Variants in WWP2 observed in about 807,000 individuals in gnomAD.
The protein encoded by WWP2 is NEDD4-like E3 ubiquitin-protein ligase WWP2.
A neutral mutation model predicts 121.0 loss-of-function variants in WWP2; 57 were observed. The observed-to-expected ratio is 0.47, with a 90% CI of 0.38 to 0.59. The LOEUF (loss-of-function observed/expected upper bound fraction) is 0.59. WWP2 is among the 20% of genes least tolerant of loss of function. The pLI is 0.00. For missense variants in WWP2, 962 were observed against 1,158.9 expected, an observed-to-expected ratio of 0.83 and a Z score of 2.47; for synonymous variants, 449 against 441.3, an observed-to-expected ratio of 1.02 and a Z score of -0.22.
chr16:69,930,961 A>C (rs901264819), intron 13 of WWP2, among the ~76,000 whole-genome samples, 191 bp from the exon 14 acceptor site: 1 of 152,168 alleles, frequency 6.6e-6, no homozygotes, highest in Non-Finnish European at 1.5e-5. Context: ...ATTTCTCTAA[A>C]AGCAAGAAGT....
At chr16:69,783,780 T>TACAACAACAAAA (rs2055716947) in intron 1 of WWP2, among the ~76,000 whole-genome samples, 1 of 149,710 alleles carries the variant, frequency 6.7e-6, no homozygotes, top group Non-Finnish European at 1.5e-5. Context: ...ACCTTGTTTC[T>TACAACAACAAAA]ACAACAACAA....
chr16:69,843,650 T>C (rs763805967), intron 6 of WWP2, among the ~76,000 whole-genome samples: 2 of 152,042 alleles, frequency 1.3e-5, no homozygotes, highest in Non-Finnish European at 2.9e-5. Context: ...GGAGGATCGC[T>C]TGAGGCCAGG....
intron 4 of WWP2, among the ~76,000 whole-genome samples, chr16:69,802,067 C>T (rs1490533908): frequency 2.0e-5 from 3 of 151,746 alleles, no homozygotes; most frequent in African/African-American, 7.3e-5. Context: ...GTAGCTGGGA[C>T]TACAGGCACC....
chr16:69,788,180 G>C (rs572553401), intron 2 of WWP2: 1 of 152,178 alleles, frequency 6.6e-6, no homozygotes, highest in African/African-American at 2.4e-5. Flanking sequence ...CTGAGCAACA[G>C]AGCAAGACCC....
At chr16:69,813,161 A>ATTT (rs201294551) in intron 4 of WWP2, among the ~76,000 whole-genome samples, 1 of 135,978 alleles carries the variant, frequency 7.4e-6, no homozygotes, top group Non-Finnish European at 1.6e-5. Flanking sequence ...TTCTGGTGTA[A>ATTT]TTTTTTTTTT....
At chr16:69,821,956 A>G (rs970270938) in intron 4 of WWP2, among the ~76,000 whole-genome samples, 1 of 151,464 alleles carries the variant, frequency 6.6e-6, no homozygotes, top group African/African-American at 2.4e-5. Flanking sequence ...GTAGCCTCAA[A>G]CTTCTGGCTT....
At chr16:69,805,728 A>C (rs1184239726) in intron 4 of WWP2, among the ~76,000 whole-genome samples, 1 of 151,296 alleles carries the variant, frequency 6.6e-6, no homozygotes, top group Non-Finnish European at 1.5e-5. Flanking sequence ...CTCCCATCTC[A>C]GTCTCTGGAG....
At chr16:69,866,106 G>A (rs1208357016) in intron 6 of WWP2, among the ~76,000 whole-genome samples, 1 of 152,074 alleles carries the variant, frequency 6.6e-6, no homozygotes, top group African/African-American at 2.4e-5. Context: ...GCGTCTTCTT[G>A]GCCAAGAGGG....
intron 4 of WWP2, among the ~76,000 whole-genome samples, chr16:69,805,676 T>C (rs1051513310): frequency 2.6e-5 from 4 of 151,964 alleles, no homozygotes; most frequent in Admixed American, 2.6e-4. Flanking sequence ...AGTGGCATGA[T>C]TACCACTCAC....
intron 8 of WWP2, among the ~76,000 whole-genome samples, chr16:69,894,290 A>G (rs1320571159): frequency 6.9e-6 from 1 of 145,780 alleles, no homozygotes; most frequent in African/African-American, 2.6e-5. Flanking sequence ...TCTGTTGCCC[A>G]TGCGGATCTC....
chr16:69,826,960 G>C lies in WWP2; in HGVS notation c.341-13166G>C, dbSNP rs71384747. Among the ~76,000 whole-genome samples, 146 of 94,134 alleles carry C rather than the reference G, an allele frequency of 1.6e-3. 1 individual carries two copies. Among genetic ancestry groups the C allele is most frequent in the African/African-American group, 4.4e-3 (138 of 31,158 alleles). The allele number at this position is 94,134 out of a possible 152,430, so 61.8% of individuals were successfully genotyped here. On this transcript the variant is annotated intron_variant, in intron 4 of 23. Transcript: ENST00000359154. Reference sequence around the variant, plus strand: ...CCTCAAAAAAAAAAAAAAAAGGGGGGGGGGCGGAGAGAATAATGGACCATC... The same window carrying C: ...CCTCAAAAAAAAAAAAAAAAGGGGGCGGGGCGGAGAGAATAATGGACCATC...
At chr16:69,781,432 AC>A (rs900430980) in intron 1 of WWP2, among the ~76,000 whole-genome samples, 1 of 151,874 alleles carries the variant, frequency 6.6e-6, no homozygotes, top group African/African-American at 2.4e-5. Context: ...TGCAGCCTTG[AC>A]CTCCTGGGCT....
intron 1 of WWP2, among the ~76,000 whole-genome samples, chr16:69,786,666 G>T (rs1050765742): frequency 6.6e-6 from 1 of 151,378 alleles, no homozygotes; most frequent in African/African-American, 2.4e-5. Flanking sequence ...GGTCAGGCTG[G>T]TCTCAAACTC....
At position 69,885,026 on chromosome 16, in the gene WWP2, C is replaced by T. The variant is rs368754865; in HGVS notation, c.704-3013C>T. On this transcript the variant is annotated intron_variant, in intron 7 of 23. Coordinates refer to ENST00000359154, the MANE Select transcript of WWP2 (RefSeq NM_001270454.2). Reference sequence around the variant, plus strand: ...CATCAGTACCACATTGTTTTAATTGCTGTAGCTTTGTAGTATGTTTTAATA... The same window carrying T: ...CATCAGTACCACATTGTTTTAATTGTTGTAGCTTTGTAGTATGTTTTAATA... Among the ~76,000 whole-genome samples the T allele has an allele frequency of 9.9e-5, 15 of 151,846 alleles. 2 individuals carry two copies. Among genetic ancestry groups the T allele is most frequent in the East Asian group, 3.9e-4 (2 of 5,182 alleles).
At chr16:69,920,689 G>A (rs919304729) in intron 10 of WWP2, among the ~76,000 whole-genome samples, 9 of 152,184 alleles carry the variant, frequency 5.9e-5, no homozygotes, top group East Asian at 1.9e-4. Flanking sequence ...GAAGACTGGC[G>A]GGTGGGAGGA....
chr16:69,813,610 G>A (rs1315516084), intron 4 of WWP2, among the ~76,000 whole-genome samples: 1 of 152,198 alleles, frequency 6.6e-6, no homozygotes, highest in Non-Finnish European at 1.5e-5. Flanking sequence ...CTACAGGTGT[G>A]TGCTGGCTAA....
At chr16:69,843,838 C>CA (rs746899618) in intron 6 of WWP2, among the ~76,000 whole-genome samples, 45 of 152,154 alleles carry the variant, frequency 3.0e-4, no homozygotes, top group Non-Finnish European at 5.4e-4. Context: ...CACTGGGTAA[C>CA]AGAGTGAGAC....
intron 10 of WWP2, among the ~76,000 whole-genome samples, chr16:69,922,053 G>C (rs977783488): frequency 6.8e-6 from 1 of 146,616 alleles, no homozygotes; most frequent in Admixed American, 6.9e-5. Flanking sequence ...ACTCCAGCCA[G>C]AGACACAGAG....
chr16:69,833,989 T>C lies in WWP2; in HGVS notation c.341-6137T>C, dbSNP rs149754368. On this transcript the variant is annotated intron_variant, in intron 4 of 23. Coordinates refer to ENST00000359154, the MANE Select transcript of WWP2 (RefSeq NM_001270454.2). ...TTCTTAAAGACACTGCCATCACCTT[T>C]GCCCAAACCACCATCTGCTCTTGCC... Among the ~76,000 whole-genome samples, 33 of 152,324 alleles carry C rather than the reference T, an allele frequency of 2.2e-4. 2 individuals carry two copies. The East Asian group carries it at 6.2e-3, about 28-fold the overall frequency.
Sources: allele counts gnomAD v4.1 joint callset (sites outside exome capture counted in the v4.1 genomes callset), GRCh38; gene constraint gnomAD v4.1.1; transcripts MANE v1.5; gene names NCBI Gene and HGNC (gene_info 2026-07-23, HGNC 2026-07-21).